The following LRBA variants were observed in gnomAD, a reference collection of about 807,000 sequenced individuals.
LRBA encodes lipopolysaccharide-responsive and beige-like anchor protein.
In LRBA, 176 loss-of-function variants were observed where a neutral mutation model predicts 330.0. That is an observed-to-expected ratio of 0.53 (90% CI 0.47 to 0.60). LRBA has a LOEUF of 0.60. Ranked by LOEUF, LRBA falls within the 20% of genes least tolerant of loss-of-function variation. The pLI, the probability that LRBA is intolerant of heterozygous loss-of-function variation, is 0.00. For missense variants in LRBA, 3,259 were observed against 3,444.8 expected, an observed-to-expected ratio of 0.95 and a Z score of 1.35; for synonymous variants, 1,230 against 1,193.0, an observed-to-expected ratio of 1.03 and a Z score of -0.64.
intron 49 of LRBA, among the ~76,000 whole-genome samples, chr4:150,323,249 G>T (rs1443480650): frequency 6.6e-6 from 1 of 152,020 alleles, no homozygotes; most frequent in African/African-American, 2.4e-5. Context: ...CTGGGAAAAG[G>T]AAATGAACAT....
At chr4:150,797,925 A>C (rs969039059) in intron 34 of LRBA, among the ~76,000 whole-genome samples, 156 bp downstream of exon 34, 1 of 152,200 alleles carries the variant, frequency 6.6e-6, no homozygotes, top group African/African-American at 2.4e-5. Context: ...AAAAATAAGA[A>C]GTAATCCTTT....
At position 150,330,142 on chromosome 4, in the gene LRBA, TTCTA is replaced by T. The variant is rs113975492; in HGVS notation, c.7363-4248_7363-4245del. Among the ~76,000 whole-genome samples the T allele has an allele frequency of 5.0e-3, 756 of 152,268 alleles. 6 individuals are homozygous for T. The highest frequency in any genetic ancestry group is 0.017 in the African/African-American group (723 of 41,558). ...TATCTCTCTAACTTTTATTCTCTCA[TTCTA>T]TCTATTACCTTATACCAGTGTTCCT... On this transcript the variant is annotated intron_variant, in intron 48 of 56. Coordinates refer to ENST00000651943, the MANE Select transcript of LRBA (RefSeq NM_001364905.1).
At chr4:150,809,924 C>T (rs555327068) in intron 31 of LRBA, among the ~76,000 whole-genome samples, 97 of 150,212 alleles carry the variant, frequency 6.5e-4, no homozygotes, top group African/African-American at 2.3e-3. Flanking sequence ...CGATACGATA[C>T]GATACGATAC....
chr4:150,876,581 A>G (rs945798481), intron 17 of LRBA, among the ~76,000 whole-genome samples: 7 of 152,220 alleles, frequency 4.6e-5, no homozygotes, highest in Non-Finnish European at 1.0e-4. Context: ...AAGAAAATAA[A>G]TTTAGCCAAG....
chr4:150,826,092 T>C (rs940831486), intron 30 of LRBA, among the ~76,000 whole-genome samples: 1 of 152,330 alleles, frequency 6.6e-6, no homozygotes, highest in South Asian at 2.1e-4. Context: ...GGCATACCTA[T>C]AGACTCTAAC....
At chr4:150,935,107 T>C (rs918045501) in intron 2 of LRBA, among the ~76,000 whole-genome samples, 20 of 143,900 alleles carry the variant, frequency 1.4e-4, no homozygotes, top group African/African-American at 4.7e-4. Flanking sequence ...ACCCAGGAGG[T>C]GGAAGCTGCA....
In LRBA at chr4:150,753,435, T is replaced by A. The variant is rs150193679; in HGVS notation, c.5645+8348A>T. ...TCTCAAAGGTTATGAGAGTTCCGTT[T>A]TTCACCTATCCCTAATACACATCCC... On this transcript the variant is annotated intron_variant, in intron 35 of 56. Coordinates refer to ENST00000651943, the MANE Select transcript of LRBA (RefSeq NM_001364905.1). 3.2e-3 allele frequency among the ~76,000 whole-genome samples: 494 copies of A among 152,330 alleles called. 2 individuals carry two copies. Among genetic ancestry groups the A allele is most frequent in the African/African-American group, 0.011 (472 of 41,584 alleles).
intron 56 of LRBA, among the ~76,000 whole-genome samples, chr4:150,267,147 AGATAAGGAAACAGGACACTTGAACAATAC>A (rs1413195172): frequency 5.3e-5 from 8 of 152,334 alleles, no homozygotes; most frequent in African/African-American, 1.9e-4. Flanking sequence ...ACCAGGTGGA[AGATAAGGAAACAGGACACTTGAACAATAC>A]GATAAGCCAA....
At chr4:150,885,893 G>A (rs1014948653) in intron 17 of LRBA, among the ~76,000 whole-genome samples, 1 of 152,130 alleles carries the variant, frequency 6.6e-6, no homozygotes, top group Admixed American at 6.6e-5. Flanking sequence ...AGTATTCTGA[G>A]ATGAACAAAG....
chr4:150,782,010 C>T (rs1738311019), intron 34 of LRBA, among the ~76,000 whole-genome samples: 1 of 152,120 alleles, frequency 6.6e-6, no homozygotes. Context: ...TGGGTTCAAG[C>T]GATCCTCCCA....
intron 40 of LRBA, among the ~76,000 whole-genome samples, chr4:150,504,387 C>A (rs1429117786): frequency 3.3e-5 from 5 of 152,190 alleles, no homozygotes; most frequent in African/African-American, 9.7e-5. Context: ...AGCCTAAAGG[C>A]TGATCTTTCA....
At chr4:150,278,783 A>G (rs571515494) in intron 55 of LRBA, among the ~76,000 whole-genome samples, 2 of 152,208 alleles carry the variant, frequency 1.3e-5, no homozygotes, top group East Asian at 3.9e-4. Flanking sequence ...ATGACACATG[A>G]ATATTTATAT....
chr4:150,669,768 G>C (rs1781887555), intron 37 of LRBA, among the ~76,000 whole-genome samples: 1 of 152,062 alleles, frequency 6.6e-6, no homozygotes, highest in Non-Finnish European at 1.5e-5. Flanking sequence ...GTTTCACCAA[G>C]TTGGCCAAGC....
At position 150,471,742 on chromosome 4, in the gene LRBA, GC is replaced by G; in HGVS notation, c.6552-4del. ...GTGGACTAGCTAATGAAATACGTCT[GC>G]AAGAAAAAGAATTCAATGTGATATG... On this transcript the variant is annotated splice_region_variant and splice_polypyrimidine_tract_variant and intron_variant, in intron 42 of 56. Transcript: ENST00000651943. The G allele has an allele frequency of 7.5e-7, 1 of 1,329,914 alleles. No homozygotes were observed. The highest frequency in any genetic ancestry group is 1.1e-6 in the Non-Finnish European group (1 of 933,390). 82.4% of individuals were successfully genotyped at this position (1,329,914 alleles called of 1,614,324 possible).
intron 47 of LRBA, among the ~76,000 whole-genome samples, chr4:150,395,928 G>T (rs1369403671): frequency 6.6e-6 from 1 of 151,754 alleles, no homozygotes; most frequent in Non-Finnish European, 1.5e-5. Context: ...TGATTCTCTA[G>T]AATTGAAAAA....
chr4:150,328,999 T>C (rs182986980), intron 48 of LRBA, among the ~76,000 whole-genome samples: 1 of 152,354 alleles, frequency 6.6e-6, no homozygotes, highest in East Asian at 1.9e-4. Context: ...TCTCCTCTTT[T>C]TAACTAACTT....
chr4:150,632,507 C>T (rs559748678), intron 37 of LRBA, among the ~76,000 whole-genome samples: 7 of 152,096 alleles, frequency 4.6e-5, no homozygotes, highest in Non-Finnish European at 7.4e-5. Context: ...GTCATCAGAA[C>T]AAAAGAGAAC....
At chr4:150,461,450 C>T (rs916859702) in intron 44 of LRBA, among the ~76,000 whole-genome samples, 3 of 151,676 alleles carry the variant, frequency 2.0e-5, no homozygotes, top group African/African-American at 7.3e-5. Flanking sequence ...TTTTTAAAAA[C>T]GCAATTGTGA....
At chr4:150,563,417 T>C (rs1020585212) in intron 40 of LRBA, among the ~76,000 whole-genome samples, 5 of 152,164 alleles carry the variant, frequency 3.3e-5, no homozygotes, top group Admixed American at 2.6e-4. Flanking sequence ...TAATAAAAGC[T>C]ATTCATGACA....
Sources: allele counts gnomAD v4.1 joint callset (sites outside exome capture counted in the v4.1 genomes callset), GRCh38; gene constraint gnomAD v4.1.1; transcripts MANE v1.5; gene names NCBI Gene and HGNC (gene_info 2026-07-23, HGNC 2026-07-21).